Variants in ARID1B observed in about 807,000 individuals in gnomAD.
The protein encoded by ARID1B is AT-rich interactive domain-containing protein 1B.
A neutral mutation model predicts 212.3 loss-of-function variants in ARID1B; 30 were observed. That is an observed-to-expected ratio of 0.14 (90% CI 0.11 to 0.19). The LOEUF is 0.19. Among genes scored for constraint, ARID1B ranks in the 10% least tolerant of loss-of-function variants. The probability of loss-of-function intolerance (pLI) is 1.00; values close to 1 mark genes in which losing one functional copy is unlikely to be tolerated. For synonymous variants in ARID1B, 1,402 were observed against 1,301.7 expected (o/e 1.08, Z -1.66); for missense variants, 2,891 against 3,204.0 (o/e 0.90, Z 2.36).
intron 7 of ARID1B, among the ~76,000 whole-genome samples, chr6:157,144,695 C>T (rs1045455237): frequency 6.6e-6 from 1 of 152,100 alleles, no homozygotes; most frequent in African/African-American, 2.4e-5. Flanking sequence ...AAGGGCCCAG[C>T]AGCTGGCCCC....
chr6:156,988,295 A>AT (rs1217841328), intron 4 of ARID1B, among the ~76,000 whole-genome samples: 2 of 152,202 alleles, frequency 1.3e-5, no homozygotes, highest in Non-Finnish European at 2.9e-5. Flanking sequence ...CATATGCCCA[A>AT]TTTGTGTGGT....
Position 157,200,316 on chromosome 6 carries a change from C to A in ARID1B, c.4480-389C>A, listed in dbSNP as rs905854649. Among the ~76,000 whole-genome samples the A allele has an allele frequency of 6.6e-6, 1 of 152,114 alleles. No individual in the cohort carries two copies. Among genetic ancestry groups the A allele is most frequent in the African/African-American group, 2.4e-5 (1 of 41,424 alleles). On this transcript the variant is annotated intron_variant, in intron 17 of 19. Transcript: ENST00000636930. This position sits in a 1 kb window ranked among gnomAD's most constrained non-coding sequence, Gnocchi z 4.3. ...TTACCCCAAGACCCTTTCAGGCCGG[C>A]CCCTGGATGCTGGCTTTCCTGTGAG...
intron 4 of ARID1B, chr6:156,935,883 T>C (rs1294262222): frequency 2.8e-5 from 8 of 289,920 alleles, no homozygotes; most frequent in Non-Finnish European, 5.2e-5. Context: ...AGGCTGTTGC[T>C]TTTTGGCAGC....
intron 7 of ARID1B, among the ~76,000 whole-genome samples, chr6:157,137,261 A>G (rs935305483): frequency 3.9e-5 from 6 of 152,174 alleles, no homozygotes; most frequent in African/African-American, 1.4e-4. Context: ...TAAAATCTGA[A>G]TTTTTAAATA....
At position 157,071,546 on chromosome 6, in the gene ARID1B, T is replaced by C. The variant is rs562383647; in HGVS notation, c.2248-13116T>C. The C allele has an allele frequency of 5.3e-5, 8 of 152,320 alleles. No homozygotes were observed. The East Asian group carries it at 1.5e-3, about 29-fold the overall frequency. The allele number at this position is 152,320 out of a possible 1,614,324, so 9.4% of individuals were successfully genotyped here. A position where few individuals can be genotyped will look rare whatever the true frequency, so the allele number is the denominator to read the frequency against. On this transcript the variant is annotated intron_variant, in intron 4 of 19. Coordinates refer to ENST00000636930, the MANE Select transcript of ARID1B (RefSeq NM_001374828.1). ...CAACAAAACAAACAAACATTAAGCA[T>C]GTAACTCTTAGAAGGAGACCATTGA... is the stretch of plus-strand genomic sequence containing the variant.
intron 7 of ARID1B, among the ~76,000 whole-genome samples, chr6:157,140,179 C>T (rs886184990): frequency 1.1e-4 from 16 of 151,980 alleles, no homozygotes; most frequent in African/African-American, 3.9e-4. Flanking sequence ...GTTATTAGAA[C>T]ACTTTTTGGG....
chr6:156,917,148 G>T (rs572418793), intron 3 of ARID1B, among the ~76,000 whole-genome samples: 1 of 151,980 alleles, frequency 6.6e-6, no homozygotes, highest in Non-Finnish European at 1.5e-5. Flanking sequence ...TTTTTTTAGA[G>T]AGTATGGATC....
chr6:156,835,708 A>G (rs547747038), intron 2 of ARID1B, among the ~76,000 whole-genome samples: 8 of 152,214 alleles, frequency 5.3e-5, no homozygotes, highest in Non-Finnish European at 7.4e-5. Context: ...AAGGTTTTCT[A>G]TTTTACTTTT....
At chr6:157,161,421 TTGTG>T (rs527696446) in intron 8 of ARID1B, among the ~76,000 whole-genome samples, 3,981 of 135,796 alleles carry the variant, frequency 0.029, 78 homozygotes, top group Non-Finnish European at 0.044. Flanking sequence ...TCTGTTTTGA[TTGTG>T]TGTGTGTATA....
intron 11 of ARID1B, 34 bp downstream of exon 11, chr6:157,175,039 T>G: frequency 2.2e-6 from 3 of 1,336,980 alleles, no homozygotes; most frequent in Non-Finnish European, 2.9e-6. Flanking sequence ...GTTTTTTTTG[T>G]TTTTTGTTTT....
At chr6:157,086,839 G>A (rs978573451) in intron 5 of ARID1B, among the ~76,000 whole-genome samples, 1 of 152,214 alleles carries the variant, frequency 6.6e-6, no homozygotes, top group African/African-American at 2.4e-5. Context: ...GGTTTGCACA[G>A]GGTAAAAGCT....
At chr6:156,868,152 T>A (rs1030904493) in intron 2 of ARID1B, among the ~76,000 whole-genome samples, 1 of 152,248 alleles carries the variant, frequency 6.6e-6, no homozygotes, top group African/African-American at 2.4e-5. Flanking sequence ...GGATCAGTTT[T>A]CCACGTGGTC....
At position 156,779,488 on chromosome 6, in the gene ARID1B, C is replaced by T. The variant is rs371093846; in HGVS notation, c.1791+17C>T. On this transcript the variant is annotated intron_variant, in intron 1 of 19. Transcript: ENST00000636930. Reference sequence around the variant, plus strand: ...AGATCCCAGGTAACCCTCGCGCCAGCCGGGCCTGCTTCCGCCCGGCGGCCT... The same window carrying T: ...AGATCCCAGGTAACCCTCGCGCCAGTCGGGCCTGCTTCCGCCCGGCGGCCT... 71 of 1,349,446 alleles carry T rather than the reference C, an allele frequency of 5.3e-5. No homozygotes were observed. The highest frequency in any genetic ancestry group is 6.6e-5 in the Non-Finnish European group (69 of 1,047,220). The allele number at this position is 1,349,446 out of a possible 1,614,324, so 83.6% of individuals were successfully genotyped here.
chr6:157,153,988 G>A (rs1303448628), intron 8 of ARID1B, among the ~76,000 whole-genome samples: 3 of 152,168 alleles, frequency 2.0e-5, no homozygotes, highest in Non-Finnish European at 2.9e-5. Context: ...AAGGCTGTGC[G>A]TGCAGATGTG....
intron 6 of ARID1B, among the ~76,000 whole-genome samples, chr6:157,115,154 T>G (rs1787242581): frequency 6.6e-6 from 1 of 152,162 alleles, no homozygotes; most frequent in Admixed American, 6.5e-5. Context: ...GTTTTGGTAT[T>G]GAGTTTTGTC....
At chr6:157,175,442 T>C (rs550054040) in intron 11 of ARID1B, 3 of 152,376 alleles carry the variant, frequency 2.0e-5, no homozygotes, top group Admixed American at 6.5e-5. Flanking sequence ...TTCTATCTAT[T>C]TCAAAACTGC....
In ARID1B at chr6:156,813,106, ATAT is replaced by A. The variant is rs1213386685; in HGVS notation, c.1792-16119_1792-16117del. Among the ~76,000 whole-genome samples the A allele has an allele frequency of 7.6e-4, 81 of 105,920 alleles. 2 individuals are homozygous for A. Among genetic ancestry groups the A allele is most frequent in the African/African-American group, 1.4e-3 (38 of 26,582 alleles). The allele number at this position is 105,920 out of a possible 152,430, so 69.5% of individuals were successfully genotyped here. A position where few individuals can be genotyped will look rare whatever the true frequency, so the allele number is the denominator to read the frequency against. ...CGTATGTATATACATACATATATAT[ATAT>A]TTTTTTTTTTTTTGAGACGGAGTCT... On this transcript the variant is annotated intron_variant, in intron 1 of 19. Transcript: ENST00000636930.
At chr6:157,173,106 T>C (rs993656116) in intron 9 of ARID1B, 3 of 152,264 alleles carry the variant, frequency 2.0e-5, no homozygotes, top group African/African-American at 7.2e-5. Flanking sequence ...ATTCAGCTGT[T>C]ATTCCCTGGA....
intron 8 of ARID1B, among the ~76,000 whole-genome samples, chr6:157,155,577 T>C (rs1019425022): frequency 6.6e-6 from 1 of 152,218 alleles, no homozygotes; most frequent in African/African-American, 2.4e-5. Context: ...TATAATTCTG[T>C]AGACCTGCAT....
Sources: allele counts gnomAD v4.1 joint callset (sites outside exome capture counted in the v4.1 genomes callset), GRCh38; gene constraint gnomAD v4.1.1; non-coding constraint Gnocchi (gnomAD v3.1); transcripts MANE v1.5; gene names NCBI Gene and HGNC (gene_info 2026-07-23, HGNC 2026-07-21).